STS: variants seen among roughly 807,000 people sequenced by gnomAD.
The protein encoded by STS is steroid sulfatase, also known as steryl-sulfatase.
In STS, 7 loss-of-function variants were observed where a neutral mutation model predicts 26.8. The ratio of observed to expected loss-of-function variants is 0.26; its 90% CI spans 0.15 to 0.49. STS has a LOEUF of 0.49. Ranked by LOEUF, STS falls within the 20% of genes least tolerant of loss-of-function variation. The probability of loss-of-function intolerance (pLI) is 0.98; values close to 1 mark genes in which losing one functional copy is unlikely to be tolerated. For synonymous variants in STS, 199 were observed against 189.4 expected (o/e 1.05, Z -0.42); for missense variants, 434 against 465.6 (o/e 0.93, Z 0.63).
intron 7 of STS, among the ~76,000 whole-genome samples, chrX:7,303,460 T>G (rs1240143205): frequency 1.8e-5 from 2 of 111,155 alleles, no homozygotes; most frequent in African/African-American, 6.6e-5. Flanking sequence ...AAGGGTCTCT[T>G]GCATGCAGAC....
At position 7,350,101 on chromosome X, in the gene STS, A is replaced by G; in HGVS notation, c.1577A>G (p.Gln526Arg). ...PRFYEILKVMQEAADRHTQTL... is the reference protein window; with the variant it reads ...PRFYEILKVMREAADRHTQTL... Reference sequence around the variant, plus strand: ...TTTTATGAAATCCTCAAAGTCATGCAGGAAGCTGCGGACAGACACACCCAG... The same window carrying G: ...TTTTATGAAATCCTCAAAGTCATGCGGGAAGCTGCGGACAGACACACCCAG... Residue 526 changes from glutamine to arginine, a missense_variant, in exon 11 of 11, where the codon CAG (glutamine) becomes CGG (arginine). Coordinates refer to ENST00000674429, the MANE Select transcript of STS (RefSeq NM_001320752.2). 8.2e-7 allele frequency: 1 copy of G among 1,212,162 alleles called. No individual in the cohort carries two copies. Among genetic ancestry groups the G allele is most frequent in the Non-Finnish European group, 1.1e-6 (1 of 895,521 alleles).
intron 5 of STS, among the ~76,000 whole-genome samples, chrX:7,257,859 AATAG>A (rs1272484740): frequency 6.3e-5 from 7 of 111,110 alleles, no homozygotes; most frequent in Admixed American, 9.6e-5. Context: ...TGTATAGATA[AATAG>A]ATACTTAGGT....
intron 2 of STS, among the ~76,000 whole-genome samples, chrX:7,226,494 G>A (rs1284736947): frequency 3.6e-5 from 4 of 111,913 alleles, no homozygotes; most frequent in African/African-American, 9.7e-5. Context: ...ACATCGAGTA[G>A]TGTAATTGCT....
chrX:7,333,549 G>T (rs1014649866), intron 9 of STS, among the ~76,000 whole-genome samples: 9 of 112,215 alleles, frequency 8.0e-5, no homozygotes, highest in African/African-American at 2.3e-4. Context: ...ATCCCAAATT[G>T]TCAGGTGCCC....
chrX:7,179,884 G>A (rs1322862308), intron 1 of STS, among the ~76,000 whole-genome samples: 2 of 112,082 alleles, frequency 1.8e-5, no homozygotes, highest in African/African-American at 6.5e-5. Context: ...GTAATGTATT[G>A]TATACTTGAA....
intron 7 of STS, among the ~76,000 whole-genome samples, chrX:7,289,798 C>A (rs1925322124): frequency 9.0e-6 from 1 of 111,577 alleles, no homozygotes; most frequent in Non-Finnish European, 1.9e-5. Flanking sequence ...GCATGTGCCA[C>A]CATGCCCAGC....
At chrX:7,290,529 C>A (rs1396994075) in intron 7 of STS, among the ~76,000 whole-genome samples, 4 of 112,112 alleles carry the variant, frequency 3.6e-5, no homozygotes, top group Non-Finnish European at 7.5e-5. Context: ...AAGGCAGTAA[C>A]TAGTCTCAGC....
rs1299139120 is a variant in STS at position 7,147,939 on chromosome X, C to T, written c.-278C>T. 1.7e-6 allele frequency: 1 copy of T among 589,274 alleles called. No homozygotes were observed. The highest frequency in any genetic ancestry group is 2.4e-5 in the African/African-American group (1 of 41,715). The allele number at this position is 589,274 out of a possible 1,213,427, so 48.6% of individuals were successfully genotyped here. On this transcript the variant is annotated 5_prime_UTR_variant, in exon 1 of 11. Coordinates refer to ENST00000674429, the MANE Select transcript of STS (RefSeq NM_001320752.2). ...CAGAGCGCGCGGGAGCCCGAGCGTC[C>T]CTGCATGAACACCGCCCCGCCGCGG...
intron 7 of STS, among the ~76,000 whole-genome samples, chrX:7,292,064 G>A (rs1473641051): frequency 8.9e-6 from 1 of 112,349 alleles, no homozygotes; most frequent in Non-Finnish European, 1.9e-5. Context: ...AGCTTTGAGC[G>A]CTGACTTTGA....
At chrX:7,310,824 C>T (rs777411872) in intron 8 of STS, among the ~76,000 whole-genome samples, 15 of 111,214 alleles carry the variant, frequency 1.3e-4, no homozygotes, top group African/African-American at 4.3e-4. Flanking sequence ...CATACAGAGC[C>T]GGGACCCTGC....
At chrX:7,206,040 G>C (rs763673896) in intron 2 of STS, among the ~76,000 whole-genome samples, 1 of 111,591 alleles carries the variant, frequency 9.0e-6, no homozygotes, top group African/African-American at 3.3e-5. Context: ...TATGCACTTA[G>C]GATTTTGTCT....
At chrX:7,162,362 T>C (rs1933261412) in intron 1 of STS, among the ~76,000 whole-genome samples, 1 of 111,130 alleles carries the variant, frequency 9.0e-6, no homozygotes, top group African/African-American at 3.3e-5. Flanking sequence ...AATAATTAAA[T>C]GCTTATTATG....
intron 2 of STS, among the ~76,000 whole-genome samples, chrX:7,226,232 G>C (rs1198730529): frequency 1.8e-5 from 2 of 112,024 alleles, no homozygotes; most frequent in East Asian, 5.6e-4. Context: ...GACTGCATAT[G>C]AATGGATTCA....
chrX:7,206,465 G>C (rs1601652815), intron 2 of STS, among the ~76,000 whole-genome samples: 1 of 111,892 alleles, frequency 8.9e-6, no homozygotes, highest in East Asian at 2.8e-4. Context: ...TTTACTTATT[G>C]ATCAATCTTT....
At chrX:7,204,434 A>G (rs1934145251) in intron 2 of STS, among the ~76,000 whole-genome samples, 1 of 110,995 alleles carries the variant, frequency 9.0e-6, no homozygotes, top group Admixed American at 9.5e-5. Context: ...ATTTTAAAAA[A>G]TATTAGATGT....
intron 2 of STS, among the ~76,000 whole-genome samples, chrX:7,222,553 AT>A (rs1921621802): frequency 9.5e-6 from 1 of 105,098 alleles, no homozygotes; most frequent in African/African-American, 3.4e-5. Context: ...AAAAAAAAAG[AT>A]GTTTTCAGTC....
chrX:7,314,226 ATGTGC>A, intron 8 of STS, among the ~76,000 whole-genome samples: 1 of 111,603 alleles, frequency 9.0e-6, no homozygotes, highest in East Asian at 2.8e-4. Flanking sequence ...ATGTGATGGC[ATGTGC>A]TTGCAGTCCA....
intron 3 of STS, among the ~76,000 whole-genome samples, chrX:7,256,049 A>G (rs1228407804): frequency 1.8e-5 from 2 of 111,659 alleles, no homozygotes; most frequent in African/African-American, 6.5e-5. Flanking sequence ...TGTTCCAAAT[A>G]TAGGTCAATC....
intron 2 of STS, among the ~76,000 whole-genome samples, chrX:7,244,909 G>A (rs1440783418): frequency 8.9e-6 from 1 of 111,764 alleles, no homozygotes; most frequent in Non-Finnish European, 1.9e-5. Flanking sequence ...TTAAGAAGTA[G>A]GTAAAGCAGT....
Sources: allele counts gnomAD v4.1 joint callset (sites outside exome capture counted in the v4.1 genomes callset), GRCh38; gene constraint gnomAD v4.1.1; transcripts MANE v1.5; gene names NCBI Gene and HGNC (gene_info 2026-07-23, HGNC 2026-07-21).